The following ARB2A variants were observed in gnomAD, a reference collection of about 807,000 sequenced individuals.
The protein encoded by ARB2A is cotranscriptional regulator ARB2A.
chr5:93,893,620 G>T, the ARB2A span, among the ~76,000 whole-genome samples: 1 of 152,260 alleles, frequency 6.6e-6, no homozygotes, highest in Non-Finnish European at 1.5e-5. Flanking sequence ...AATGTAGTAA[G>T]TGATTATAAT....
the ARB2A span, chr5:93,776,290 G>C: frequency 6.7e-7 from 1 of 1,499,434 alleles, no homozygotes; most frequent in Non-Finnish European, 9.1e-7. Flanking sequence ...TTTAAGCCAA[G>C]ATGGAATTTT....
At chr5:93,714,642 G>C in the ARB2A span, among the ~76,000 whole-genome samples, 1 of 152,022 alleles carries the variant, frequency 6.6e-6, no homozygotes, top group Non-Finnish European at 1.5e-5. Context: ...TGTGTCACTG[G>C]AGTGCATTAA....
the ARB2A span, among the ~76,000 whole-genome samples, chr5:93,727,409 T>C: frequency 6.6e-6 from 1 of 152,036 alleles, no homozygotes; most frequent in Admixed American, 6.6e-5. Flanking sequence ...GGAAAACAAC[T>C]CATCTGGCAT....
the ARB2A span, chr5:93,784,301 G>C: frequency 3.8e-6 from 3 of 798,058 alleles, no homozygotes; most frequent in Non-Finnish European, 6.3e-6. Context: ...TTTGAGGATG[G>C]GAGGTGTTAC....
the ARB2A span, among the ~76,000 whole-genome samples, chr5:93,817,003 C>T: frequency 6.6e-6 from 1 of 151,546 alleles, no homozygotes; most frequent in Admixed American, 6.6e-5. Flanking sequence ...AAACATGCAT[C>T]CAGATTGAAA....
At chr5:93,938,193 T>C in the ARB2A span, among the ~76,000 whole-genome samples, 5 of 152,340 alleles carry the variant, frequency 3.3e-5, no homozygotes, top group South Asian at 8.3e-4. Context: ...TACAACAAAA[T>C]GCTTAAGCAA....
At chr5:93,933,483 T>C in the ARB2A span, among the ~76,000 whole-genome samples, 1 of 152,048 alleles carries the variant, frequency 6.6e-6, no homozygotes, top group Non-Finnish European at 1.5e-5. Context: ...TAAAAAAGGA[T>C]GAGTTCATGT....
chr5:93,933,371 T>C, the ARB2A span, among the ~76,000 whole-genome samples: 2 of 152,164 alleles, frequency 1.3e-5, no homozygotes, highest in Non-Finnish European at 2.9e-5. Flanking sequence ...ATTGCAGCAC[T>C]ATTCACAATA....
chr5:93,725,786 C>T, the ARB2A span, among the ~76,000 whole-genome samples: 20 of 152,062 alleles, frequency 1.3e-4, no homozygotes, highest in African/African-American at 4.6e-4. Flanking sequence ...TTGGTTGTAC[C>T]AGAAGATAAA....
the ARB2A span, among the ~76,000 whole-genome samples, chr5:93,784,942 A>C: frequency 1.3e-5 from 2 of 152,306 alleles, no homozygotes; most frequent in Admixed American, 1.3e-4. Context: ...TCTTGCTTTG[A>C]CTTTTCCAAT....
chr5:93,656,196 T>A, the ARB2A span, among the ~76,000 whole-genome samples: 1 of 152,208 alleles, frequency 6.6e-6, no homozygotes, highest in East Asian at 1.9e-4. Flanking sequence ...AGATAAGTAG[T>A]TAACTTCAAA....
chr5:93,650,340 T>C, the ARB2A span, among the ~76,000 whole-genome samples: 1 of 152,138 alleles, frequency 6.6e-6, no homozygotes, highest in Admixed American at 6.6e-5. Flanking sequence ...CAAATGGTGA[T>C]TGCTGAACTA....
At chr5:93,700,061 G>A in the ARB2A span, among the ~76,000 whole-genome samples, 7 of 152,038 alleles carry the variant, frequency 4.6e-5, no homozygotes, top group South Asian at 1.5e-3. Flanking sequence ...AGACATAAAC[G>A]GAAGAATAAT....
chr5:94,028,754 G>T, the ARB2A span, among the ~76,000 whole-genome samples: 9 of 152,138 alleles, frequency 5.9e-5, no homozygotes, highest in South Asian at 1.0e-3. Flanking sequence ...TTTCTGTGGG[G>T]TTTTTTTCTC....
At chr5:93,647,560 G>A in the ARB2A span, among the ~76,000 whole-genome samples, 1 of 151,836 alleles carries the variant, frequency 6.6e-6, no homozygotes, top group East Asian at 1.9e-4. Flanking sequence ...TTTTTGAGAT[G>A]AAGTCTCGCT....
chr5:94,044,730 T>C, the ARB2A span, among the ~76,000 whole-genome samples: 1 of 152,110 alleles, frequency 6.6e-6, no homozygotes, highest in Admixed American at 6.5e-5. Flanking sequence ...CATAAAGACC[T>C]TGCTGATAAA....
the ARB2A span, among the ~76,000 whole-genome samples, chr5:93,959,882 T>C: frequency 6.6e-6 from 1 of 152,110 alleles, no homozygotes; most frequent in South Asian, 2.1e-4. Flanking sequence ...CTGAGTGGTA[T>C]ACCACATCAG....
chr5:94,013,661 A>G, the ARB2A span, among the ~76,000 whole-genome samples: 1 of 152,166 alleles, frequency 6.6e-6, no homozygotes, highest in South Asian at 2.1e-4. Context: ...TCACAGCATA[A>G]TAGTACATGC....
the ARB2A span, among the ~76,000 whole-genome samples, chr5:93,821,596 T>C: frequency 2.6e-5 from 4 of 152,088 alleles, no homozygotes; most frequent in Non-Finnish European, 5.9e-5. Context: ...CATGAGTTTT[T>C]AAATTTGCTT....
Sources: gnomAD v4.1 joint callset for allele counts (sites outside exome capture counted in the v4.1 genomes callset) on GRCh38, gnomAD v4.1.1 for gene constraint, MANE v1.5 for transcripts, NCBI Gene and HGNC (gene_info 2026-07-23, HGNC 2026-07-21) for gene names.